Variants in SLC25A18 observed in about 807,000 individuals in gnomAD.
The protein encoded by SLC25A18 is mitochondrial glutamate carrier 2.
In SLC25A18, 24 loss-of-function variants were observed where a neutral mutation model predicts 31.1. The ratio of observed to expected loss-of-function variants is 0.77; its 90% CI spans 0.56 to 1.08. SLC25A18 has a LOEUF of 1.08. Among genes scored for constraint, SLC25A18 ranks in the 50% least tolerant of loss-of-function variants. The pLI is 0.00. For synonymous variants in SLC25A18, 173 were observed against 161.9 expected (o/e 1.07, Z -0.52); for missense variants, 371 against 418.5 (o/e 0.89, Z 0.99).
intron 2 of SLC25A18, among the ~76,000 whole-genome samples, chr22:17,578,325 G>T (rs2057285623): frequency 6.6e-6 from 1 of 152,202 alleles, no homozygotes; most frequent in Non-Finnish European, 1.5e-5. Flanking sequence ...TATGTCACCA[G>T]ACCTGGAGCA....
intron 2 of SLC25A18, among the ~76,000 whole-genome samples, chr22:17,571,614 C>T (rs143711735): frequency 3.9e-5 from 6 of 152,078 alleles, no homozygotes; most frequent in Admixed American, 6.6e-5. Context: ...ACAAATTAGC[C>T]GGGCGTGATG....
intron 8 of SLC25A18, 53 bp from the exon 9 acceptor site, chr22:17,587,872 G>A (rs1194326379): frequency 4.4e-5 from 71 of 1,609,904 alleles, no homozygotes; most frequent in Non-Finnish European, 5.8e-5. Context: ...CTCACCTTGG[G>A]TGGCAGCCCC....
chr22:17,587,395 C>T, intron 8 of SLC25A18, 94 bp downstream of exon 8: 1 of 1,437,290 alleles, frequency 7.0e-7, no homozygotes, highest in Non-Finnish European at 9.3e-7. Context: ...GTGTCCTTCC[C>T]AGAATATCCA....
chr22:17,588,435 T>G (rs569018237), intron 9 of SLC25A18: 109 of 235,252 alleles, frequency 4.6e-4, no homozygotes, highest in African/African-American at 2.4e-3. Flanking sequence ...TCACCTGAGG[T>G]CAGGAGTTTC....
At position 17,587,946 on chromosome 22, in the gene SLC25A18, C is replaced by G; in HGVS notation, c.597C>G (p.Ile199Met). ...TLLRDIPFSI[I>M]YFPLFANLNN... ...GCAGAGACATTCCTTTCTCCATCAT[C>G]TACTTCCCACTGTTTGCCAACCTTA... The change falls in exon 9 of 11, where the codon ATC becomes ATG. Residue 199 changes from isoleucine (I) to methionine (M), a missense_variant. Ile to Met is a conservative substitution (Grantham distance 10). Transcript: ENST00000327451. The G allele has an allele frequency of 1.2e-6, 2 of 1,614,200 alleles. No homozygotes were observed. The highest frequency in any genetic ancestry group is 1.6e-4 in the Middle Eastern group (1 of 6,062).
chr22:17,577,631 A>G (rs1434880539), intron 2 of SLC25A18, among the ~76,000 whole-genome samples: 1 of 130,654 alleles, frequency 7.7e-6, no homozygotes, highest in Admixed American at 8.9e-5. Context: ...CCCAGGCTGG[A>G]GTGCAGTGGT....
rs774373978 is a variant in SLC25A18, at chr22:17,581,115, G to C, written c.99G>C (p.Lys33Asn). 5.7e-6 allele frequency: 9 copies of C among 1,585,978 alleles called. No individual in the cohort carries two copies. In the Admixed American group the frequency reaches 1.6e-4, roughly 29 times the overall value. ...VTCVFPIDLA[K>N]TRLQNQHGKA... is the part of the protein sequence containing the mutation. The stretch of plus-strand genomic sequence containing the variant: ...GCGTGTTCCCCATCGACTTGGCCAA[G>C]ACTCGCCTGCAGAACCAGCATGGGA... Residue 33 changes from lysine to asparagine, a missense_variant, in exon 4 of 11, where the codon AAG becomes AAC. Coordinates refer to ENST00000327451, the MANE Select transcript of SLC25A18 (RefSeq NM_031481.3).
chr22:17,579,764 A>C lies in SLC25A18; in HGVS notation c.-181A>C, dbSNP rs2057324425. 3 of 1,406,278 alleles carry C rather than the reference A, an allele frequency of 2.1e-6. No individual in the cohort carries two copies. Among genetic ancestry groups the C allele is most frequent in the Non-Finnish European group, 2.8e-6 (3 of 1,080,932 alleles). 87.1% of individuals were successfully genotyped at this position (1,406,278 alleles called of 1,614,324 possible). A position where few individuals can be genotyped will look rare whatever the true frequency, so the allele number is the denominator to read the frequency against. On this transcript the variant is annotated 5_prime_UTR_variant, in exon 3 of 11. Transcript: ENST00000327451. Reference sequence around the variant, plus strand: ...TTGCAGGGGAGGAAGCCGCAGCCCAAGGAGGTCGTCACTTGCCGGGAAGGT... The same window carrying C: ...TTGCAGGGGAGGAAGCCGCAGCCCACGGAGGTCGTCACTTGCCGGGAAGGT...
chr22:17,582,604 A>G lies in SLC25A18; in HGVS notation c.241A>G (p.Ile81Val), dbSNP rs146248451. 24 of 1,605,458 alleles carry G rather than the reference A, an allele frequency of 1.5e-5. No individual in the cohort carries two copies. The African/African-American group carries it at 2.1e-4, about 14-fold the overall frequency. ...CACTCTGGTCACTCCAGAGAAGGCC[A>G]TCAAGCTGGCGGCCAACGACTTTTT... ...NLTLVTPEKA[I>V]KLAANDFFRR... The change falls in exon 6 of 11, where the codon ATC (isoleucine) becomes GTC (valine). Residue 81 changes from isoleucine (I) to valine (V), a missense_variant. Transcript: ENST00000327451.
At position 17,584,399 on chromosome 22, in the gene SLC25A18, A is replaced by AAAAGAAAGAAAGAAAGAAAG. The variant is rs1187381986; in HGVS notation, c.409+872_409+891dup. Among the ~76,000 whole-genome samples, 151 of 110,752 alleles carry AAAAGAAAGAAAGAAAGAAAG rather than the reference A, an allele frequency of 1.4e-3. 1 individual carries two copies. The highest frequency in any genetic ancestry group is 5.1e-3 in the African/African-American group (147 of 28,644). The allele number at this position is 110,752 out of a possible 152,430, so 72.7% of individuals were successfully genotyped here. On this transcript the variant is annotated intron_variant, in intron 7 of 10. Transcript: ENST00000327451. ...CAGAGCAAGACTCCATCTCAAAAAG[A>AAAAGAAAGAAAGAAAGAAAG]AAAGAAAGAAAGAAAGAAAGAAAGA... is the stretch of plus-strand genomic sequence containing the variant.
At chr22:17,589,809 CAG>C (rs2057667077) in intron 10 of SLC25A18, 144 bp downstream of exon 10, 5 of 813,734 alleles carry the variant, frequency 6.1e-6, no homozygotes, top group South Asian at 3.4e-5. Flanking sequence ...TCAAAGAAAA[CAG>C]AATGTACTGG....
chr22:17,564,070 A>G (rs1675470056), intron 1 of SLC25A18, among the ~76,000 whole-genome samples: 1 of 152,164 alleles, frequency 6.6e-6, no homozygotes, highest in African/African-American at 2.4e-5. Flanking sequence ...TCCTTGTTCC[A>G]GCTTGAATTC....
intron 1 of SLC25A18, among the ~76,000 whole-genome samples, chr22:17,565,731 A>G (rs1434193147): frequency 2.6e-5 from 4 of 152,050 alleles, no homozygotes; most frequent in Admixed American, 1.3e-4. Flanking sequence ...GCCGGGCATG[A>G]TGGGGCATGC....
In SLC25A18 at chr22:17,590,948, T is replaced by C. The variant is rs1393784858; in HGVS notation, c.*712T>C. On this transcript the variant is annotated 3_prime_UTR_variant, in exon 11 of 11. Coordinates refer to ENST00000327451, the MANE Select transcript of SLC25A18 (RefSeq NM_031481.3). Reference sequence around the variant, plus strand: ...CAGTGAATGCTATCACCATCTACTTTTCTACGTCCATTTCAAAACCAAACA... The same window carrying C: ...CAGTGAATGCTATCACCATCTACTTCTCTACGTCCATTTCAAAACCAAACA... 6.6e-6 allele frequency: 1 copy of C among 152,262 alleles called. No homozygotes were observed. The highest frequency in any genetic ancestry group is 1.5e-5 in the Non-Finnish European group (1 of 68,062). The allele number at this position is 152,262 out of a possible 1,614,324, so 9.4% of individuals were successfully genotyped here. A position where few individuals can be genotyped will look rare whatever the true frequency, so the allele number is the denominator to read the frequency against.
intron 4 of SLC25A18, 98 bp downstream of exon 4, chr22:17,581,257 G>A: frequency 1.3e-6 from 2 of 1,582,618 alleles, no homozygotes; most frequent in Admixed American, 1.7e-5. Flanking sequence ...GAGCCTGGGG[G>A]CTGGGGATCT....
chr22:17,580,155 T>G, intron 3 of SLC25A18, 191 bp downstream of exon 3: 1 of 527,134 alleles, frequency 1.9e-6, no homozygotes, highest in Admixed American at 3.5e-5. Context: ...TGCACATATA[T>G]GTTATTGTTC....
Position 17,590,113 on chromosome 22 carries a change from G to C in SLC25A18, c.825G>C (p.Glu275Asp). 1.2e-6 allele frequency: 2 copies of C among 1,614,178 alleles called. No individual in the cohort carries two copies. The highest frequency in any genetic ancestry group is 1.7e-6 in the Non-Finnish European group (2 of 1,180,036). Reference sequence around the variant, plus strand: ...TCCCCAGGAAACTCTGGATTCAGGAGGGACCATCTGCCTTCATGAAAGGCG... The same window carrying C: ...TCCCCAGGAAACTCTGGATTCAGGACGGACCATCTGCCTTCATGAAAGGCG... Reference protein sequence around the residue: ...TDCARKLWIQEGPSAFMKGAG... With the variant: ...TDCARKLWIQDGPSAFMKGAG... The change falls in exon 11 of 11, where the codon GAG becomes GAC. Residue 275 changes from glutamate to aspartate, a missense_variant. By Grantham distance (45) the Glu-to-Asp change is conservative. Transcript: ENST00000327451.
chr22:17,580,647 A>C, intron 3 of SLC25A18: 3 of 1,008,834 alleles, frequency 3.0e-6, no homozygotes, highest in Non-Finnish European at 3.5e-6. Context: ...TCAGGATGCA[A>C]ACTCAGTTCT....
Position 17,587,961 on chromosome 22 carries a change from T to A in SLC25A18, c.612T>A (p.Phe204Leu). ...TCTCCATCATCTACTTCCCACTGTT[T>A]GCCAACCTTAACAACCTGGGGTTCA... The part of the protein sequence containing the change: ...IPFSIIYFPL[F>L]ANLNNLGFNE... Residue 204 changes from phenylalanine to leucine, a missense_variant, in exon 9 of 11, where the codon TTT becomes TTA. By Grantham distance (22) the Phe-to-Leu change is conservative (BLOSUM62 0). Transcript: ENST00000327451. 1.2e-6 allele frequency: 2 copies of A among 1,614,218 alleles called. No individual in the cohort carries two copies. Among genetic ancestry groups the A allele is most frequent in the Non-Finnish European group, 1.7e-6 (2 of 1,180,030 alleles).
Sources: gnomAD v4.1 joint callset for allele counts (sites outside exome capture counted in the v4.1 genomes callset) on GRCh38, gnomAD v4.1.1 for gene constraint, MANE v1.5 for transcripts, NCBI Gene and HGNC (gene_info 2026-07-23, HGNC 2026-07-21) for gene names.